ASIP: variants seen among roughly 807,000 people sequenced by gnomAD.
The protein encoded by ASIP is agouti signaling protein, also known as agouti-signaling protein.
In ASIP, 11 loss-of-function variants were observed where a neutral mutation model predicts 10.3. The ratio of observed to expected loss-of-function variants is 1.07; its 90% CI spans 0.68 to 1.78. ASIP has a LOEUF of 1.78. Ranked by LOEUF, ASIP falls within the 40% of genes most tolerant of loss-of-function variation. The probability of loss-of-function intolerance (pLI) is 0.00; values close to 1 mark genes in which losing one functional copy is unlikely to be tolerated. For missense variants in ASIP, 180 were observed against 169.2 expected, an observed-to-expected ratio of 1.06 and a Z score of -0.35; for synonymous variants, 70 against 70.8, an observed-to-expected ratio of 0.99 and a Z score of 0.06.
At chr20:34,236,691 T>C (rs1040109513), upstream of ASIP, among the ~76,000 whole-genome samples, 1 of 152,160 alleles carries the variant, frequency 6.6e-6, no homozygotes, top group Non-Finnish European at 1.5e-5. Context: ...ATCTTAAAAA[T>C]AAATCATTAT....
At chr20:34,203,621 G>T (rs1014812642) in intron 1 of ASIP, among the ~76,000 whole-genome samples, 38 of 150,974 alleles carry the variant, frequency 2.5e-4, no homozygotes, top group African/African-American at 9.0e-4. Flanking sequence ...GGTCTCGAAC[G>T]CCTAACTTCA....
Position 34,269,100 on chromosome 20 carries a change from G to A in ASIP, c.332G>A (p.Cys111Tyr), listed in dbSNP as rs955878401. ...KPPAPACCDP[C>Y]ASCQCRFFRS... is the part of the protein sequence containing the mutation. ...CCGGCACCCGCCTGCTGCGACCCGT[G>A]CGCCTCCTGCCAGTGCCGCTTCTTC... Residue 111 changes from cysteine (C) to tyrosine (Y), a missense_variant, in exon 4 of 4, where the codon TGC becomes TAC. Coordinates refer to ENST00000374954, the MANE Select transcript of ASIP (RefSeq NM_001672.3). 3.2e-6 allele frequency: 5 copies of A among 1,568,312 alleles called. No homozygotes were observed.
intron 1 of ASIP, among the ~76,000 whole-genome samples, chr20:34,210,459 C>A (rs1216351869): frequency 6.6e-6 from 1 of 152,238 alleles, no homozygotes. Flanking sequence ...GAGCTGCCTG[C>A]CCCACAGCAG....
chr20:34,208,954 T>C (rs528655680), intron 1 of ASIP, among the ~76,000 whole-genome samples: 3 of 152,392 alleles, frequency 2.0e-5, no homozygotes, highest in Non-Finnish European at 4.4e-5. Flanking sequence ...AATTTTTGTA[T>C]GTTGATTGTG....
intron 1 of ASIP, chr20:34,215,203 A>G: frequency 6.2e-7 from 1 of 1,600,436 alleles, no homozygotes; most frequent in Non-Finnish European, 8.6e-7. Context: ...ATGACCTAGC[A>G]GCATATTTAT....
chr20:34,258,911 T>TACAC (rs1179047645), intron 1 of ASIP, among the ~76,000 whole-genome samples: 35 of 129,546 alleles, frequency 2.7e-4, no homozygotes, highest in African/African-American at 1.1e-3. Context: ...TATATATATA[T>TACAC]ACACACATAC....
intron 3 of ASIP, among the ~76,000 whole-genome samples, chr20:34,265,832 C>G (rs1165443619): frequency 1.3e-5 from 2 of 152,032 alleles, no homozygotes; most frequent in East Asian, 3.9e-4. Flanking sequence ...CGCCTGTAAT[C>G]CCAGCTACTC....
At chr20:34,208,995 C>T (rs761006374) in intron 1 of ASIP, among the ~76,000 whole-genome samples, 1 of 152,094 alleles carries the variant, frequency 6.6e-6, no homozygotes, top group African/African-American at 2.4e-5. Context: ...TTATCAGTTC[C>T]AATAGGGTTT....
intron 1 of ASIP, chr20:34,215,091 C>T (rs991984705): frequency 1.3e-6 from 2 of 1,567,590 alleles, no homozygotes; most frequent in Non-Finnish European, 8.8e-7. Flanking sequence ...ATACTTGACA[C>T]AAAGATTCTA....
chr20:34,196,374 T>C (rs1013484307), intron 1 of ASIP, among the ~76,000 whole-genome samples: 225 of 151,718 alleles, frequency 1.5e-3, no homozygotes, highest in African/African-American at 5.3e-3. Context: ...GGGGTTTCAC[T>C]GTGTTAGCCA....
At chr20:34,225,768 A>T (rs1375147025) in intron 1 of ASIP, among the ~76,000 whole-genome samples, 1 of 151,232 alleles carries the variant, frequency 6.6e-6, no homozygotes, top group Middle Eastern at 3.2e-3. Context: ...ATTCCTAATT[A>T]TTTTATTTTT....
chr20:34,241,155 A>G (rs2035279031), upstream of ASIP, among the ~76,000 whole-genome samples: 3 of 152,080 alleles, frequency 2.0e-5, no homozygotes, highest in Admixed American at 2.0e-4. Context: ...TAGAGATTCT[A>G]TTTTCTTCTC....
intron 1 of ASIP, among the ~76,000 whole-genome samples, chr20:34,218,853 C>A (rs1215267877): frequency 6.6e-6 from 1 of 151,968 alleles, no homozygotes; most frequent in Non-Finnish European, 1.5e-5. Context: ...TTAGTAGAGA[C>A]GGGGTTTCAC....
intron 1 of ASIP, among the ~76,000 whole-genome samples, chr20:34,250,613 C>T (rs192619727): frequency 9.2e-5 from 14 of 152,318 alleles, no homozygotes; most frequent in African/African-American, 3.1e-4. Context: ...GCCTGGTCAA[C>T]ATGGTGAAAC....
intron 1 of ASIP, chr20:34,214,923 A>G: frequency 6.7e-7 from 1 of 1,496,636 alleles, no homozygotes. Flanking sequence ...CATTCTTAAT[A>G]TTCCCATTCT....
chr20:34,259,997 C>T lies in ASIP; in HGVS notation c.-10-368C>T, dbSNP rs118130379. On this transcript the variant is annotated intron_variant, in intron 1 of 3. Transcript: ENST00000374954. ...AAATCTCTGCTACTGTGAGGCCCTACTGGGGGCCTTTCAACAACTCTGCCC... is the reference window on the plus strand; with the variant it reads ...AAATCTCTGCTACTGTGAGGCCCTATTGGGGGCCTTTCAACAACTCTGCCC... Among the ~76,000 whole-genome samples, 1,334 of 152,134 alleles carry T rather than the reference C, an allele frequency of 8.8e-3. 7 individuals are homozygous for T. The highest frequency in any genetic ancestry group is 0.017 in the South Asian group (83 of 4,816).
intron 1 of ASIP, chr20:34,214,259 A>G: frequency 7.1e-7 from 1 of 1,407,824 alleles, no homozygotes; most frequent in South Asian, 1.2e-5. Context: ...TTGCACTGGA[A>G]TGACGCAGAC....
the ASIP span, among the ~76,000 whole-genome samples, chr20:34,187,712 G>A: frequency 1.3e-5 from 2 of 152,214 alleles, no homozygotes; most frequent in East Asian, 1.9e-4. Flanking sequence ...GATATGGCAG[G>A]TGAGGAGTGT....
chr20:34,199,277 A>G (rs1372565906), intron 1 of ASIP, among the ~76,000 whole-genome samples: 3 of 152,190 alleles, frequency 2.0e-5, no homozygotes, highest in African/African-American at 7.2e-5. Flanking sequence ...ACTGAACAGA[A>G]GCATTAGGAA....
Sources: gnomAD v4.1 joint callset for allele counts (sites outside exome capture counted in the v4.1 genomes callset) on GRCh38, gnomAD v4.1.1 for gene constraint, MANE v1.5 for transcripts, NCBI Gene and HGNC (gene_info 2026-07-23, HGNC 2026-07-21) for gene names.